The following BRAF variants were observed in gnomAD, a reference collection of about 807,000 sequenced individuals.
The protein encoded by BRAF is serine/threonine-protein kinase B-raf.
A neutral mutation model predicts 104.6 loss-of-function variants in BRAF; 16 were observed. The observed-to-expected ratio is 0.15, with a 90% CI of 0.10 to 0.23. The LOEUF is 0.23. Ranked by LOEUF, BRAF falls within the 10% of genes least tolerant of loss-of-function variation. The probability of loss-of-function intolerance (pLI) is 1.00; values close to 1 mark genes in which losing one functional copy is unlikely to be tolerated. For missense variants in BRAF, 541 were observed against 937.3 expected, an observed-to-expected ratio of 0.58 and a Z score of 5.52; for synonymous variants, 310 against 341.6, an observed-to-expected ratio of 0.91 and a Z score of 1.02.
chr7:140,857,545 C>A (rs777665805), intron 1 of BRAF, among the ~76,000 whole-genome samples: 72 of 151,956 alleles, frequency 4.7e-4, no homozygotes, highest in Non-Finnish European at 5.9e-4. Flanking sequence ...TGAAAGTAAA[C>A]CTAAATAAGC....
At chr7:140,719,273 A>C, downstream of BRAF, 1 of 774,042 alleles carries the variant, frequency 1.3e-6, no homozygotes, top group Non-Finnish European at 1.6e-6. Flanking sequence ...AAACTGTTAA[A>C]ACTGCTGACT....
At position 140,721,154 on chromosome 7, in the gene BRAF, T is replaced by C; in HGVS notation, c.*5340A>G. ...CTCATACACACTCGTCAAGTCACTA[T>C]AATTATTCAAAATAGCTAAATAAAT... On this transcript the variant is annotated 3_prime_UTR_variant, in exon 20 of 20. Transcript: ENST00000644969. 1 of 1,064,162 alleles carries C rather than the reference T, an allele frequency of 9.4e-7. No individual in the cohort carries two copies. The highest frequency in any genetic ancestry group is 1.1e-6 in the Non-Finnish European group (1 of 877,914). 65.9% of individuals were successfully genotyped at this position (1,064,162 alleles called of 1,614,324 possible). A position where few individuals can be genotyped will look rare whatever the true frequency, so the allele number is the denominator to read the frequency against.
chr7:140,778,041 T>A lies in BRAF; in HGVS notation c.1587A>T (p.Ala529=), dbSNP rs1800502679. 1 of 1,613,446 alleles carries A rather than the reference T, an allele frequency of 6.2e-7. No individual in the cohort carries two copies. The highest frequency in any genetic ancestry group is 8.5e-7 in the Non-Finnish European group (1 of 1,179,760). The change falls in exon 13 of 20, where the codon GCA becomes GCT. Residue 529 remains alanine (A), a synonymous_variant. Transcript: ENST00000644969. The part of the protein sequence containing the change: ...DVAVKMLNVT[A]PTPQQLQAFK... ...AGGCTTGTAACTGCTGAGGTGTAGG[T>A]GCTGTCACATTCAACATTTTCACTG...
Position 140,723,179 on chromosome 7 carries a change from C to G in BRAF, c.*3315G>C, listed in dbSNP as rs1341639705. ...CTGGCGGGTGGATGTACAGTGGGGA[C>G]AGGTGAGATCTGAGGAGGATGTGCA... is the stretch of plus-strand genomic sequence containing the variant. On this transcript the variant is annotated 3_prime_UTR_variant, in exon 20 of 20. Transcript: ENST00000644969. The G allele has an allele frequency of 1.3e-5, 14 of 1,053,998 alleles. No individual in the cohort carries two copies. Among genetic ancestry groups the G allele is most frequent in the Non-Finnish European group, 1.6e-5 (14 of 872,400 alleles). 65.3% of individuals were successfully genotyped at this position (1,053,998 alleles called of 1,614,324 possible).
At chr7:140,873,833 C>T (rs1263383441) in intron 1 of BRAF, among the ~76,000 whole-genome samples, 1 of 152,164 alleles carries the variant, frequency 6.6e-6, no homozygotes, top group East Asian at 1.9e-4. Context: ...TTTGAATATA[C>T]TCCCTGATAC....
In BRAF at chr7:140,726,059, G is replaced by C; in HGVS notation, c.*435C>G. On this transcript the variant is annotated 3_prime_UTR_variant, in exon 20 of 20. Transcript: ENST00000644969. Reference sequence around the variant, plus strand: ...CAAAACAAAATTCCAGAACAGGAAAGAGAACGATGCTTGGTGATTGAAACT... The same window carrying C: ...CAAAACAAAATTCCAGAACAGGAAACAGAACGATGCTTGGTGATTGAAACT... The C allele has an allele frequency of 9.3e-7, 1 of 1,075,634 alleles. No individual in the cohort carries two copies. Among genetic ancestry groups the C allele is most frequent in the Non-Finnish European group, 1.1e-6 (1 of 886,448 alleles). 66.6% of individuals were successfully genotyped at this position (1,075,634 alleles called of 1,614,324 possible).
chr7:140,734,005 C>T, intron 19 of BRAF: 1 of 1,033,658 alleles, frequency 9.7e-7, no homozygotes, highest in African/African-American at 1.7e-5. Context: ...GTCACCTGCA[C>T]TCAAAATTTA....
rs559455462 is a variant in BRAF at position 140,786,817 on chromosome 7, G to A, written c.1177+731C>T. ...CTAAGGTCAATCTTTAAGTATCAGT[G>A]GAGCCCCACAAAGGAAATTTATCAA... On this transcript the variant is annotated intron_variant, in intron 9 of 19. Coordinates refer to ENST00000644969, the MANE Select transcript of BRAF (RefSeq NM_001374258.1). 3.3e-5 allele frequency among the ~76,000 whole-genome samples: 5 copies of A among 152,274 alleles called. No homozygotes were observed. The East Asian group carries it at 9.6e-4, about 29-fold the overall frequency.
intron 3 of BRAF, among the ~76,000 whole-genome samples, chr7:140,809,845 GAGAC>G (rs1048118249): frequency 6.6e-6 from 1 of 152,066 alleles, no homozygotes; most frequent in Admixed American, 6.6e-5. Context: ...TGGGAAGAGA[GAGAC>G]AGAGAAGGAG....
chr7:140,714,094 C>T, the BRAF span, among the ~76,000 whole-genome samples: 4 of 152,154 alleles, frequency 2.6e-5, no homozygotes, highest in Admixed American at 6.5e-5. Flanking sequence ...TCTCAGATCT[C>T]AAGCTACATG....
Position 140,725,426 on chromosome 7 carries a change from G to A in BRAF, c.*1068C>T. On this transcript the variant is annotated 3_prime_UTR_variant, in exon 20 of 20. Coordinates refer to ENST00000644969, the MANE Select transcript of BRAF (RefSeq NM_001374258.1). ...ATATATAATTCTGGTGGGAAGTATT[G>A]TTTTTTTCCAATTCAATTAAATCTG... is the stretch of plus-strand genomic sequence containing the variant. The A allele has an allele frequency of 1.1e-6, 1 of 950,124 alleles. No homozygotes were observed. Among genetic ancestry groups the A allele is most frequent in the Non-Finnish European group, 1.3e-6 (1 of 781,292 alleles). 58.9% of individuals were successfully genotyped at this position (950,124 alleles called of 1,614,324 possible). A position where few individuals can be genotyped will look rare whatever the true frequency, so the allele number is the denominator to read the frequency against.
chr7:140,771,994 G>C (rs2129015070), intron 14 of BRAF, among the ~76,000 whole-genome samples: 1 of 152,174 alleles, frequency 6.6e-6, no homozygotes, highest in African/African-American at 2.4e-5. Flanking sequence ...ATGAAACTAT[G>C]GTTGGCATTC....
intron 14 of BRAF, chr7:140,773,139 T>C (rs1217353150): frequency 2.6e-5 from 4 of 152,116 alleles, no homozygotes; most frequent in Admixed American, 2.6e-4. Flanking sequence ...TAATCTTGCA[T>C]TGTATGTGTT....
chr7:140,877,292 A>AT (rs1360691619), intron 1 of BRAF, among the ~76,000 whole-genome samples: 1 of 37,560 alleles, frequency 2.7e-5, no homozygotes, highest in Non-Finnish European at 4.2e-5. Context: ...TTTTTAAGAG[A>AT]TGGGGGGGGG....
At chr7:140,870,725 G>A (rs988262282) in intron 1 of BRAF, among the ~76,000 whole-genome samples, 4 of 151,654 alleles carry the variant, frequency 2.6e-5, no homozygotes, top group African/African-American at 9.7e-5. Context: ...ACGGAACCAC[G>A]AAGAGCACTT....
At chr7:140,904,762 C>A (rs1221492842) in intron 1 of BRAF, among the ~76,000 whole-genome samples, 4 of 152,132 alleles carry the variant, frequency 2.6e-5, no homozygotes, top group Admixed American at 6.5e-5. Flanking sequence ...GCATGCACCA[C>A]CACGCCCAGC....
intron 3 of BRAF, among the ~76,000 whole-genome samples, chr7:140,825,481 T>C (rs1378215651): frequency 1.3e-5 from 2 of 152,324 alleles, no homozygotes; most frequent in East Asian, 1.9e-4. Flanking sequence ...TAAGAAATCT[T>C]TGCCAAACCC....
chr7:140,717,121 C>A (rs958668285), downstream of BRAF, among the ~76,000 whole-genome samples: 2 of 152,208 alleles, frequency 1.3e-5, no homozygotes, highest in Admixed American at 6.5e-5. Flanking sequence ...ATACCCATTT[C>A]TATCCAAATC....
At chr7:140,916,749 T>C (rs1817676852) in intron 1 of BRAF, among the ~76,000 whole-genome samples, 1 of 152,230 alleles carries the variant, frequency 6.6e-6, no homozygotes, top group Non-Finnish European at 1.5e-5. Flanking sequence ...AACTATATAC[T>C]GAAGTCTTAA....
Sources: allele counts gnomAD v4.1 joint callset (sites outside exome capture counted in the v4.1 genomes callset), GRCh38; gene constraint gnomAD v4.1.1; transcripts MANE v1.5; gene names NCBI Gene and HGNC (gene_info 2026-07-23, HGNC 2026-07-21).